The following SNX29 variants were observed in gnomAD, a reference collection of about 807,000 sequenced individuals.
SNX29 encodes the protein sorting nexin 29.
SNX29 carries 78 observed loss-of-function variants against 102.1 expected under a neutral mutation model. The ratio of observed to expected loss-of-function variants is 0.76; its 90% CI spans 0.64 to 0.92. The LOEUF (loss-of-function observed/expected upper bound fraction) is 0.92, where lower values mean the gene tolerates loss of function less well. SNX29 is among the 40% of genes least tolerant of loss of function. The pLI is 0.00. For missense variants in SNX29, 1,280 were observed against 1,061.7 expected, an observed-to-expected ratio of 1.21 and a Z score of -2.86; for synonymous variants, 580 against 414.5, an observed-to-expected ratio of 1.40 and a Z score of -4.85.
At chr16:12,362,424 C>G (rs745423573) in intron 16 of SNX29, among the ~76,000 whole-genome samples, 2 of 152,130 alleles carry the variant, frequency 1.3e-5, no homozygotes, top group Non-Finnish European at 2.9e-5. Flanking sequence ...CAGGAATATC[C>G]CTTTTGAGGC....
At chr16:12,191,130 G>A (rs830707) in intron 13 of SNX29, among the ~76,000 whole-genome samples, 85,914 of 151,962 alleles carry the variant, frequency 0.57, 29,004 homozygotes, top group Non-Finnish European at 0.73. Flanking sequence ...TTTATAGGGA[G>A]TGTGCAACCT....
chr16:12,059,536 C>T (rs898485523), intron 8 of SNX29, among the ~76,000 whole-genome samples: 1 of 152,190 alleles, frequency 6.6e-6, no homozygotes, highest in Non-Finnish European at 1.5e-5. Flanking sequence ...GGATTATTTC[C>T]TCCTGTGCTT....
chr16:12,207,373 T>A (rs1057270493), intron 14 of SNX29, among the ~76,000 whole-genome samples: 16 of 151,974 alleles, frequency 1.1e-4, no homozygotes, highest in Non-Finnish European at 2.2e-4. Context: ...TGTCAAAAAA[T>A]AAAATAAAAT....
intron 20 of SNX29, among the ~76,000 whole-genome samples, chr16:12,539,938 T>A (rs2077250720): frequency 6.6e-6 from 1 of 152,256 alleles, no homozygotes; most frequent in Non-Finnish European, 1.5e-5. Flanking sequence ...ATATGTTAGA[T>A]GCAAGACCTT....
intron 1 of SNX29, chr16:11,977,035 T>C: frequency 2.2e-6 from 1 of 455,318 alleles, no homozygotes; most frequent in Non-Finnish European, 3.6e-6. Context: ...GTCTCCTGAC[T>C]CCTGTCCATC....
chr16:12,404,089 G>A (rs1283791952), intron 18 of SNX29, among the ~76,000 whole-genome samples: 3 of 152,140 alleles, frequency 2.0e-5, no homozygotes, highest in Non-Finnish European at 2.9e-5. Flanking sequence ...CACCACTGTC[G>A]CCAGGGTGGG....
intron 13 of SNX29, among the ~76,000 whole-genome samples, chr16:12,161,685 C>G (rs1366232106): frequency 6.6e-6 from 1 of 152,172 alleles, no homozygotes; most frequent in African/African-American, 2.4e-5. Flanking sequence ...CACACTCCCC[C>G]TTGGTCATGA....
Position 12,240,511 on chromosome 16 carries a change from G to C in SNX29, c.1679-37422G>C, listed in dbSNP as rs569265571. Among the ~76,000 whole-genome samples, 39 of 148,806 alleles carry C rather than the reference G, an allele frequency of 2.6e-4. 1 individual carries two copies. In the South Asian group the frequency reaches 7.9e-3, roughly 30 times the overall value. On this transcript the variant is annotated intron_variant, in intron 14 of 20. Coordinates refer to ENST00000566228, the MANE Select transcript of SNX29 (RefSeq NM_032167.5). ...TAACGATCTTGATTTTTTTTCTGTC[G>C]GTTTTTGTTTCTTTTAGATGTTTTT...
At chr16:12,383,294 A>G (rs954423311) in intron 16 of SNX29, among the ~76,000 whole-genome samples, 7 of 152,186 alleles carry the variant, frequency 4.6e-5, no homozygotes, top group East Asian at 1.9e-4. Flanking sequence ...GCACTGGGAT[A>G]GGTCTTGGGT....
At chr16:12,117,097 C>CA (rs1042591559) in intron 11 of SNX29, among the ~76,000 whole-genome samples, 11 of 137,014 alleles carry the variant, frequency 8.0e-5, no homozygotes, top group Admixed American at 2.9e-4. Context: ...GTGGTCAATA[C>CA]GTGCTTCAGT....
At chr16:11,992,458 T>C (rs1044192526) in intron 1 of SNX29, among the ~76,000 whole-genome samples, 1 of 152,154 alleles carries the variant, frequency 6.6e-6, no homozygotes, top group Non-Finnish European at 1.5e-5. Flanking sequence ...CCATATCCAT[T>C]AAGCAGTAGC....
chr16:12,105,113 G>A (rs1287282583), intron 11 of SNX29, among the ~76,000 whole-genome samples: 1 of 152,194 alleles, frequency 6.6e-6, no homozygotes, highest in Non-Finnish European at 1.5e-5. Context: ...GCAACACCGT[G>A]AGCAGTTTCT....
intron 18 of SNX29, among the ~76,000 whole-genome samples, chr16:12,435,798 C>T (rs778387453): frequency 2.6e-5 from 4 of 152,172 alleles, no homozygotes; most frequent in Non-Finnish European, 5.9e-5. Context: ...GGTGAGGATG[C>T]ACTTTGTTGG....
chr16:12,519,282 A>G (rs940915862), intron 19 of SNX29, among the ~76,000 whole-genome samples: 5 of 152,192 alleles, frequency 3.3e-5, no homozygotes, highest in African/African-American at 9.6e-5. Flanking sequence ...ATGTCCCCCA[A>G]AAGGTCAGAA....
chr16:12,548,279 G>T (rs566721166), intron 20 of SNX29, among the ~76,000 whole-genome samples: 1 of 152,280 alleles, frequency 6.6e-6, no homozygotes, highest in South Asian at 2.1e-4. Flanking sequence ...GACCTGACTG[G>T]GAAGGCTGGA....
chr16:12,063,965 C>A (rs2050902808), intron 9 of SNX29, among the ~76,000 whole-genome samples: 1 of 151,530 alleles, frequency 6.6e-6, no homozygotes, highest in South Asian at 2.1e-4. Flanking sequence ...TGAGGAGGGG[C>A]AGGGGCTGGG....
At position 12,250,145 on chromosome 16, in the gene SNX29, A is replaced by T. The variant is rs537356638; in HGVS notation, c.1679-27788A>T. Reference sequence around the variant, plus strand: ...TAAAACCAGCCTTGAAGGGTTAGACAGACTTAGGTGGCCAAAGGGTTCCAG... The same window carrying T: ...TAAAACCAGCCTTGAAGGGTTAGACTGACTTAGGTGGCCAAAGGGTTCCAG... On this transcript the variant is annotated intron_variant, in intron 14 of 20. Coordinates refer to ENST00000566228, the MANE Select transcript of SNX29 (RefSeq NM_032167.5). Among the ~76,000 whole-genome samples the T allele has an allele frequency of 2.0e-5, 3 of 152,308 alleles. No homozygotes were observed. In the South Asian group the frequency reaches 6.2e-4, roughly 32 times the overall value.
rs114580646 is a variant in SNX29, at chr16:12,541,807, A to G, written c.2318+16966A>G. Among the ~76,000 whole-genome samples, 506 of 152,272 alleles carry G rather than the reference A, an allele frequency of 3.3e-3. 1 individual carries two copies. Among genetic ancestry groups the G allele is most frequent in the African/African-American group, 0.011 (459 of 41,564 alleles). On this transcript the variant is annotated intron_variant, in intron 20 of 20. Transcript: ENST00000566228. Reference sequence around the variant, plus strand: ...CCTGGAATGGAAAGGTTCAGAGGGCAGGAACCAAGCTCGCCTCTTCCCCTC... The same window carrying G: ...CCTGGAATGGAAAGGTTCAGAGGGCGGGAACCAAGCTCGCCTCTTCCCCTC...
At chr16:12,540,345 C>A (rs565575375) in intron 20 of SNX29, among the ~76,000 whole-genome samples, 1 of 152,114 alleles carries the variant, frequency 6.6e-6, no homozygotes, top group African/African-American at 2.4e-5. Context: ...TAAAGAGGAA[C>A]GTTATCCCCT....
Sources: allele counts gnomAD v4.1 joint callset (sites outside exome capture counted in the v4.1 genomes callset), GRCh38; gene constraint gnomAD v4.1.1; transcripts MANE v1.5; gene names NCBI Gene and HGNC (gene_info 2026-07-23, HGNC 2026-07-21).